Variants in ABCB4 observed in about 807,000 individuals in gnomAD.
The protein encoded by ABCB4 is phosphatidylcholine translocator ABCB4.
In ABCB4, 76 loss-of-function variants were observed where a neutral mutation model predicts 145.7. The ratio of observed to expected loss-of-function variants is 0.52; its 90% CI spans 0.43 to 0.63. ABCB4 has a LOEUF of 0.63. ABCB4 is among the 30% of genes least tolerant of loss of function. ABCB4 has a pLI of 0.00. For missense variants in ABCB4, 1,234 were observed against 1,553.1 expected, an observed-to-expected ratio of 0.79 and a Z score of 3.45; for synonymous variants, 517 against 566.8, an observed-to-expected ratio of 0.91 and a Z score of 1.25.
chr7:87,475,764 C>T (rs1813777579), upstream of ABCB4: 1 of 298,982 alleles, frequency 3.3e-6, no homozygotes, highest in African/African-American at 2.3e-5. Flanking sequence ...GCCCGGGAAA[C>T]GCCTACCGTT....
At chr7:87,434,938 A>ATAAG (rs1485435369) in intron 14 of ABCB4, among the ~76,000 whole-genome samples, 2 of 152,248 alleles carry the variant, frequency 1.3e-5, no homozygotes, top group African/African-American at 4.8e-5. Context: ...AGGCATAAAA[A>ATAAG]TAAGTAGGTA....
intron 19 of ABCB4, among the ~76,000 whole-genome samples, chr7:87,419,026 A>G (rs550587307): frequency 6.6e-6 from 1 of 152,330 alleles, no homozygotes; most frequent in African/African-American, 2.4e-5. Flanking sequence ...GATTCTAGGC[A>G]GGAGAAAATA....
intron 8 of ABCB4, among the ~76,000 whole-genome samples, chr7:87,448,188 T>A (rs1811471554): frequency 6.6e-6 from 1 of 152,278 alleles, no homozygotes. Flanking sequence ...AAATTTAATT[T>A]GGGCTCCCTG....
chr7:87,406,799 C>A (rs1015626778), intron 25 of ABCB4, among the ~76,000 whole-genome samples: 5 of 152,184 alleles, frequency 3.3e-5, no homozygotes, highest in African/African-American at 1.2e-4. Flanking sequence ...GTTAAAGAAG[C>A]CTGCATCAAG....
At chr7:87,419,878 T>A in intron 19 of ABCB4, 120 bp downstream of exon 19, 1 of 1,023,420 alleles carries the variant, frequency 9.8e-7, no homozygotes. Flanking sequence ...CTCTGCCCCA[T>A]CCTTGCGTGA....
At chr7:87,421,587 C>T (rs1809440018) in intron 18 of ABCB4, among the ~76,000 whole-genome samples, 1 of 152,152 alleles carries the variant, frequency 6.6e-6, no homozygotes, top group African/African-American at 2.4e-5. Context: ...GTATTATATT[C>T]GAAAGGCCTA....
intron 3 of ABCB4, among the ~76,000 whole-genome samples, chr7:87,471,894 T>C (rs746507474): frequency 3.3e-5 from 5 of 152,256 alleles, no homozygotes; most frequent in Non-Finnish European, 5.9e-5. Context: ...AATGTGAATG[T>C]AGATTCCTTA....
At chr7:87,442,830 T>C (rs1811077223) in intron 12 of ABCB4, among the ~76,000 whole-genome samples, 1 of 152,174 alleles carries the variant, frequency 6.6e-6, no homozygotes, top group Non-Finnish European at 1.5e-5. Flanking sequence ...TGTCTCTGTG[T>C]TTCTAGAATT....
chr7:87,391,681 G>C, the ABCB4 span: 3 of 1,610,552 alleles, frequency 1.9e-6, no homozygotes, highest in Admixed American at 5.1e-5. Flanking sequence ...GCAGTGAGGT[G>C]GTGCCAGTCC....
chr7:87,393,022 TG>T, the ABCB4 span: 1 of 1,613,588 alleles, frequency 6.2e-7, no homozygotes, highest in Non-Finnish European at 8.5e-7. Context: ...GTAGTTCCCA[TG>T]GTACACAATG....
chr7:87,424,937 G>T (rs569168590), intron 16 of ABCB4, among the ~76,000 whole-genome samples: 1 of 152,130 alleles, frequency 6.6e-6, no homozygotes, highest in African/African-American at 2.4e-5. Flanking sequence ...AAAAACTTGA[G>T]GTCACTGAGA....
intron 3 of ABCB4, among the ~76,000 whole-genome samples, chr7:87,463,847 T>C (rs1456619528): frequency 6.6e-6 from 1 of 152,210 alleles, no homozygotes; most frequent in Non-Finnish European, 1.5e-5. Context: ...GTTCTAACAC[T>C]TCAAAGGACT....
At chr7:87,472,010 G>A (rs1813449046) in intron 3 of ABCB4, among the ~76,000 whole-genome samples, 1 of 152,162 alleles carries the variant, frequency 6.6e-6, no homozygotes, top group Non-Finnish European at 1.5e-5. Flanking sequence ...GCATTTTCTT[G>A]AAATTGTTGA....
In ABCB4 at chr7:87,409,256, T is replaced by C. The variant is rs773701919; in HGVS notation, c.3061A>G (p.Ser1021Gly). 6.2e-7 allele frequency: 1 copy of C among 1,614,094 alleles called. No homozygotes were observed. Among genetic ancestry groups the C allele is most frequent in the Non-Finnish European group, 8.5e-7 (1 of 1,179,974 alleles). The change falls in exon 24 of 28, where the codon AGT becomes GGT. Residue 1021 changes from serine to glycine, a missense_variant. Physicochemically the swap from Ser to Gly is moderately conservative, Grantham distance 56. Transcript: ENST00000649586. ...CTTACAGGCTTCAGCCCCTCTTCAC[T>C]GTAGCTGTCAATCAGAGGTTGTCTT... ...FERQPLIDSY[S>G]EEGLKPDKFE...
chr7:87,452,130 T>G (rs1811776464), intron 6 of ABCB4, among the ~76,000 whole-genome samples: 1 of 152,182 alleles, frequency 6.6e-6, no homozygotes, highest in African/African-American at 2.4e-5. Context: ...GCAACAGTAG[T>G]AGGGAAGTAT....
In ABCB4 at chr7:87,423,893, T is replaced by G. The variant is rs770378939; in HGVS notation, c.2211+13A>C. ...ATCTAATTCAGGCTGTTATGTGGTG[T>G]TTGCAAACTTACCGCTATGATCTCT... On this transcript the variant is annotated intron_variant, in intron 17 of 27. Coordinates refer to ENST00000649586, the MANE Select transcript of ABCB4 (RefSeq NM_000443.4). The G allele has an allele frequency of 6.2e-7, 1 of 1,613,846 alleles. No individual in the cohort carries two copies. Among genetic ancestry groups the G allele is most frequent in the Admixed American group, 1.7e-5 (1 of 59,982 alleles).
chr7:87,404,826 C>T (rs182381526), intron 26 of ABCB4, among the ~76,000 whole-genome samples: 2 of 152,326 alleles, frequency 1.3e-5, no homozygotes, highest in East Asian at 1.9e-4. Context: ...TGTATCACTA[C>T]ACTCTTATCA....
rs774067004 is a variant in ABCB4, at chr7:87,443,416, T to C, written c.1259A>G (p.Gln420Arg). The C allele has an allele frequency of 6.2e-7, 1 of 1,614,014 alleles. No individual in the cohort carries two copies. Among genetic ancestry groups the C allele is most frequent in the East Asian group, 2.2e-5 (1 of 44,856 alleles). Residue 420 changes from glutamine to arginine, a missense_variant, in exon 12 of 28, where the codon CAG becomes CGG. Coordinates refer to ENST00000649586, the MANE Select transcript of ABCB4 (RefSeq NM_000443.4). ...AACCAGGGCCACCGTCTGCCCACTC[T>C]GCACCTTCAGGTTGAGGCCCTTCAA... ...KILKGLNLKV[Q>R]SGQTVALVGS...
At chr7:87,473,938 T>C (rs1813617055) in intron 2 of ABCB4, among the ~76,000 whole-genome samples, 1 of 152,238 alleles carries the variant, frequency 6.6e-6, no homozygotes, top group Non-Finnish European at 1.5e-5. Context: ...AGAACAAGAA[T>C]ATAACTAATT....
Sources: allele counts gnomAD v4.1 joint callset (sites outside exome capture counted in the v4.1 genomes callset), GRCh38; gene constraint gnomAD v4.1.1; transcripts MANE v1.5; gene names NCBI Gene and HGNC (gene_info 2026-07-23, HGNC 2026-07-21).